The following ATP6V0A1 variants were observed in gnomAD, a reference collection of about 807,000 sequenced individuals.
ATP6V0A1 encodes the protein ATPase H+ transporting V0 subunit a1.
Under a neutral mutation model 105.4 loss-of-function variants are expected in ATP6V0A1, and 43 were observed. The observed-to-expected ratio is 0.41, with a 90% CI of 0.32 to 0.53. The LOEUF (loss-of-function observed/expected upper bound fraction) is 0.53. Ranked by LOEUF, ATP6V0A1 falls within the 20% of genes least tolerant of loss-of-function variation. The pLI, the probability that ATP6V0A1 is intolerant of heterozygous loss-of-function variation, is 0.30. For missense variants in ATP6V0A1, 676 were observed against 1,051.1 expected (o/e 0.64, Z 4.93); for synonymous variants, 362 against 372.8 (o/e 0.97, Z 0.33).
rs1403508370 is a variant in ATP6V0A1, at chr17:42,494,349, T to C, written c.1190T>C (p.Ile397Thr). The C allele has an allele frequency of 7.4e-6, 12 of 1,613,456 alleles. No individual in the cohort carries two copies. Among genetic ancestry groups the C allele is most frequent in the Admixed American group, 1.7e-5 (1 of 59,978 alleles). Residue 397 changes from isoleucine to threonine, a missense_variant, in exon 12 of 22, where the codon ATC becomes ACC. Around this residue, in one of 3 missense-constraint regions of ATP6V0A1, gnomAD observed 435 missense variants for 642.2 expected, o/e 0.68. Coordinates refer to ENST00000343619, the MANE Select transcript of ATP6V0A1 (RefSeq NM_001130021.3). The part of the protein sequence containing the change: ...REINPAPYTI[I>T]TFPFLFAVMF... ...TTCTTCATAGCTCCGTATACTATTA[T>C]CACGTTCCCTTTTCTATTTGCTGTG... is the stretch of plus-strand genomic sequence containing the variant.
chr17:42,464,983 T>C (rs2086866220), intron 2 of ATP6V0A1, among the ~76,000 whole-genome samples: 1 of 151,970 alleles, frequency 6.6e-6, no homozygotes, highest in African/African-American at 2.4e-5. Context: ...TTTTATTTAA[T>C]TTAATTAATT....
chr17:42,471,439 A>AT (rs2087925881), intron 5 of ATP6V0A1: 1 of 148,060 alleles, frequency 6.8e-6, no homozygotes. Context: ...AAAAAAAAAA[A>AT]TGTAGGTGAC....
intron 19 of ATP6V0A1, among the ~76,000 whole-genome samples, chr17:42,509,330 C>T (rs2092225508): frequency 6.6e-6 from 1 of 152,174 alleles, no homozygotes; most frequent in African/African-American, 2.4e-5. Flanking sequence ...TAGCAACATA[C>T]ACTCTTTAAA....
intron 11 of ATP6V0A1, among the ~76,000 whole-genome samples, chr17:42,492,366 A>G (rs1468542412): frequency 6.6e-6 from 1 of 151,292 alleles, no homozygotes; most frequent in East Asian, 2.0e-4. Context: ...AAAGATGCCC[A>G]TTTAATGTAA....
chr17:42,505,989 T>C (rs1007461653), intron 17 of ATP6V0A1, among the ~76,000 whole-genome samples: 4 of 152,116 alleles, frequency 2.6e-5, no homozygotes, highest in African/African-American at 9.7e-5. Context: ...GGTTTCGCCA[T>C]GTTGGCCAGG....
At chr17:42,474,427 A>G (rs1319023406) in intron 5 of ATP6V0A1, among the ~76,000 whole-genome samples, 1 of 151,942 alleles carries the variant, frequency 6.6e-6, no homozygotes, top group Non-Finnish European at 1.5e-5. Flanking sequence ...CATTCCCAGC[A>G]GTCTCACTGC....
chr17:42,520,988 T>C, intron 21 of ATP6V0A1, 39 bp from the exon 22 acceptor site: 1 of 1,529,988 alleles, frequency 6.5e-7, no homozygotes, highest in Non-Finnish European at 8.9e-7. Flanking sequence ...CTTCACAAAG[T>C]TTCTATTGAA....
rs369271937 is a variant in ATP6V0A1 at position 42,494,360 on chromosome 17, T to C, written c.1201T>C (p.Phe401Leu). ...PAPYTIITFPFLFAVMFGDFG... is the reference protein window; with the variant it reads ...PAPYTIITFPLLFAVMFGDFG... Reference sequence around the variant, plus strand: ...TCCGTATACTATTATCACGTTCCCTTTTCTATTTGCTGTGATGTTTGGAGA... The same window carrying C: ...TCCGTATACTATTATCACGTTCCCTCTTCTATTTGCTGTGATGTTTGGAGA... The change falls in exon 12 of 22, where the codon TTT (phenylalanine) becomes CTT (leucine). Residue 401 changes from phenylalanine (F) to leucine (L), a missense_variant. Coordinates refer to ENST00000343619, the MANE Select transcript of ATP6V0A1 (RefSeq NM_001130021.3). 6.2e-7 allele frequency: 1 copy of C among 1,613,756 alleles called. No homozygotes were observed. The highest frequency in any genetic ancestry group is 2.2e-5 in the East Asian group (1 of 44,884).
Position 42,521,055 on chromosome 17 carries a change from G to A in ATP6V0A1, c.2449G>A (p.Gly817Arg). 6.2e-7 allele frequency: 1 copy of A among 1,608,464 alleles called. No individual in the cohort carries two copies. Among genetic ancestry groups the A allele is most frequent in the Non-Finnish European group, 8.5e-7 (1 of 1,177,490 alleles). ...TGAGTTCCAGAATAAATTCTACAGC[G>A]GGACCGGTTTCAAGTTCTTACCCTT... The part of the protein sequence containing the change: ...WVEFQNKFYS[G>R]TGFKFLPFSF... Residue 817 changes from glycine (G) to arginine (R), a missense_variant, in exon 22 of 22, where the codon GGG becomes AGG. This residue lies in a region of ATP6V0A1 where 435 missense variants were observed against 642.2 expected (regional missense o/e 0.68). Coordinates refer to ENST00000343619, the MANE Select transcript of ATP6V0A1 (RefSeq NM_001130021.3). This position sits in a 1 kb window ranked among gnomAD's most constrained non-coding sequence, Gnocchi z 4.8.
chr17:42,485,718 T>C (rs903416269), intron 9 of ATP6V0A1, among the ~76,000 whole-genome samples: 1 of 152,108 alleles, frequency 6.6e-6, no homozygotes, highest in Non-Finnish European at 1.5e-5. Context: ...GCCCAGCTAA[T>C]TATTTTTTGG....
intron 3 of ATP6V0A1, among the ~76,000 whole-genome samples, chr17:42,467,403 A>G (rs143615478): frequency 6.6e-6 from 1 of 152,336 alleles, no homozygotes; most frequent in African/African-American, 2.4e-5. Flanking sequence ...CTACTAAGCC[A>G]GCTTATGGTT....
intron 7 of ATP6V0A1, 66 bp from the exon 8 acceptor site, chr17:42,480,601 G>A (rs2089371766): frequency 1.3e-6 from 2 of 1,506,592 alleles, no homozygotes; most frequent in Admixed American, 4.4e-5. Context: ...AAAAAAGTGG[G>A]TTATTTAAGA....
chr17:42,469,346 T>C (rs2087546688), intron 4 of ATP6V0A1, among the ~76,000 whole-genome samples: 1 of 148,402 alleles, frequency 6.7e-6, no homozygotes. Flanking sequence ...TTTTTTTTTT[T>C]TCCAGACAGA....
chr17:42,514,863 T>C (rs1410306883), intron 21 of ATP6V0A1, among the ~76,000 whole-genome samples: 1 of 152,102 alleles, frequency 6.6e-6, no homozygotes, highest in Admixed American at 6.5e-5. Context: ...CAGGAAAGGC[T>C]AGAACACGCT....
intron 17 of ATP6V0A1, among the ~76,000 whole-genome samples, chr17:42,506,812 A>G (rs955723500): frequency 6.6e-6 from 1 of 152,168 alleles, no homozygotes; most frequent in Admixed American, 6.5e-5. Flanking sequence ...TGTGTTTGTG[A>G]ACTCAGAAGA....
chr17:42,489,423 T>C (rs1165520440), intron 10 of ATP6V0A1, among the ~76,000 whole-genome samples: 1 of 151,918 alleles, frequency 6.6e-6, no homozygotes, highest in Non-Finnish European at 1.5e-5. Flanking sequence ...GTATCTAGGT[T>C]GGATTGAGGA....
At chr17:42,513,710 C>A in intron 19 of ATP6V0A1, 151 bp from the exon 20 acceptor site, 1 of 733,020 alleles carries the variant, frequency 1.4e-6, no homozygotes, top group Non-Finnish European at 2.3e-6. Flanking sequence ...ACACTGGGTG[C>A]TTCTGGCCCC....
chr17:42,484,109 G>GT (rs1175123195), intron 9 of ATP6V0A1, among the ~76,000 whole-genome samples: 1 of 152,132 alleles, frequency 6.6e-6, no homozygotes, highest in East Asian at 1.9e-4. Context: ...CCAGGCTGGA[G>GT]TGCAGTGGCG....
At chr17:42,490,301 A>C (rs1369227108) in intron 10 of ATP6V0A1, among the ~76,000 whole-genome samples, 186 bp from the exon 11 acceptor site, 3 of 152,200 alleles carry the variant, frequency 2.0e-5, no homozygotes, top group African/African-American at 7.2e-5. Flanking sequence ...TTTTCCCAAA[A>C]GCTGGGAAAG....
Sources: allele counts gnomAD v4.1 joint callset (sites outside exome capture counted in the v4.1 genomes callset), GRCh38; gene constraint gnomAD v4.1.1; regional missense constraint gnomAD v4.1.1; non-coding constraint Gnocchi (gnomAD v3.1); transcripts MANE v1.5; gene names NCBI Gene and HGNC (gene_info 2026-07-23, HGNC 2026-07-21).